Variants in CHN2 observed in about 807,000 individuals in gnomAD.
The protein encoded by CHN2 is beta-chimaerin.
In CHN2, 35 loss-of-function variants were observed where a neutral mutation model predicts 56.3. That is an observed-to-expected ratio of 0.62 (90% CI 0.47 to 0.82). The LOEUF (loss-of-function observed/expected upper bound fraction) is 0.82. CHN2 is among the 40% of genes least tolerant of loss of function. The pLI, the probability that CHN2 is intolerant of heterozygous loss-of-function variation, is 0.00. For missense variants in CHN2, 491 were observed against 580.5 expected (o/e 0.85, Z 1.58); for synonymous variants, 210 against 212.8 (o/e 0.99, Z 0.12).
At chr7:29,301,627 G>A (rs1030295110) in intron 1 of CHN2, among the ~76,000 whole-genome samples, 2 of 152,106 alleles carry the variant, frequency 1.3e-5, no homozygotes, top group Admixed American at 1.3e-4. Flanking sequence ...TTGGCTGGGC[G>A]ACCTTAGCAA....
At chr7:29,344,195 C>G (rs1797254209) in intron 1 of CHN2, among the ~76,000 whole-genome samples, 1 of 152,174 alleles carries the variant, frequency 6.6e-6, no homozygotes, top group Non-Finnish European at 1.5e-5. Context: ...TCATTAATGT[C>G]ACCTTCCTCG....
intron 6 of CHN2, among the ~76,000 whole-genome samples, chr7:29,459,508 C>T (rs1053211668): frequency 4.6e-5 from 7 of 152,162 alleles, no homozygotes; most frequent in African/African-American, 1.2e-4. Flanking sequence ...ATAAAACCTC[C>T]GTGGGTCAGG....
chr7:29,167,657 A>G (rs547456091), intron 2 of CHN2, among the ~76,000 whole-genome samples: 2 of 152,310 alleles, frequency 1.3e-5, no homozygotes, highest in South Asian at 4.1e-4. Context: ...TTATTGCTCT[A>G]CATCTTCACC....
At chr7:29,409,534 T>C (rs1802997286) in intron 6 of CHN2, among the ~76,000 whole-genome samples, 1 of 152,206 alleles carries the variant, frequency 6.6e-6, no homozygotes, top group African/African-American at 2.4e-5. Flanking sequence ...CATCTGCTCC[T>C]GTATTCAACC....
chr7:29,329,419 G>C (rs1362304204), intron 1 of CHN2, among the ~76,000 whole-genome samples: 1 of 137,872 alleles, frequency 7.3e-6, no homozygotes, highest in Non-Finnish European at 1.5e-5. Context: ...AATTGGGACA[G>C]TGTGCCCTTC....
chr7:29,430,789 CAA>C (rs72339566), intron 6 of CHN2, among the ~76,000 whole-genome samples: 5,516 of 113,260 alleles, frequency 0.049, 139 homozygotes, highest in African/African-American at 0.088. Context: ...AAGATGATAG[CAA>C]AAAAAAAAAA....
intron 1 of CHN2, among the ~76,000 whole-genome samples, chr7:29,280,441 A>C (rs926871870): frequency 5.3e-5 from 8 of 152,228 alleles, no homozygotes; most frequent in Admixed American, 6.5e-5. Context: ...GCAGTGTTTT[A>C]GAGGGACAGG....
chr7:29,406,601 A>G (rs1802670062), intron 6 of CHN2, among the ~76,000 whole-genome samples: 1 of 151,722 alleles, frequency 6.6e-6, no homozygotes, highest in Non-Finnish European at 1.5e-5. Flanking sequence ...CCTTTATGAG[A>G]GTTCATCACC....
intron 1 of CHN2, among the ~76,000 whole-genome samples, chr7:29,236,243 G>A (rs1228068409): frequency 6.6e-6 from 1 of 152,234 alleles, no homozygotes. Context: ...CATGATAAGT[G>A]TATACTGAGG....
intron 3 of CHN2, among the ~76,000 whole-genome samples, chr7:29,388,171 G>A (rs1041648090): frequency 6.6e-6 from 1 of 152,202 alleles, no homozygotes; most frequent in Non-Finnish European, 1.5e-5. Flanking sequence ...TTAGGAATGG[G>A]TGAGACTCAG....
At position 29,342,114 on chromosome 7, in the gene CHN2, G is replaced by C. The variant is rs969179974; in HGVS notation, c.50-12511G>C. 1.2e-4 allele frequency among the ~76,000 whole-genome samples: 19 copies of C among 152,304 alleles called. 1 individual carries two copies. Among genetic ancestry groups the C allele is most frequent in the Admixed American group, 9.8e-4 (15 of 15,296 alleles). On this transcript the variant is annotated intron_variant, in intron 1 of 12. Transcript: ENST00000222792. ...CACCTTGAAAGCAGTGACTGGATCT[G>C]CGTTGGTCGCAGCTATATCTTTATC...
chr7:29,456,647 C>CTCGCCAT (rs1020270009), intron 6 of CHN2, among the ~76,000 whole-genome samples: 6 of 135,958 alleles, frequency 4.4e-5, no homozygotes, highest in African/African-American at 1.6e-4. Context: ...CACCCCTCTT[C>CTCGCCAT]TCGCCATTCT....
At chr7:29,219,903 G>A (rs1584774567) in intron 1 of CHN2, among the ~76,000 whole-genome samples, 1 of 151,898 alleles carries the variant, frequency 6.6e-6, no homozygotes, top group Non-Finnish European at 1.5e-5. Flanking sequence ...GTGAAACCCT[G>A]TCTCTACTAA....
At chr7:29,389,417 A>G (rs1801185723) in intron 3 of CHN2, among the ~76,000 whole-genome samples, 1 of 152,182 alleles carries the variant, frequency 6.6e-6, no homozygotes, top group African/African-American at 2.4e-5. Context: ...ACTTTAGTAT[A>G]TGCTTTAAAA....
At chr7:29,345,056 G>A (rs1032982977) in intron 1 of CHN2, among the ~76,000 whole-genome samples, 4 of 152,152 alleles carry the variant, frequency 2.6e-5, no homozygotes, top group Non-Finnish European at 4.4e-5. Context: ...TAGCTGAGAG[G>A]GCAAGTGGGG....
intron 8 of CHN2, among the ~76,000 whole-genome samples, chr7:29,498,457 T>G (rs1789540190): frequency 6.6e-6 from 1 of 152,218 alleles, no homozygotes; most frequent in African/African-American, 2.4e-5. Flanking sequence ...TGTTTTTGTT[T>G]TTTTTATTTT....
At chr7:29,447,076 A>G (rs1461354817) in intron 6 of CHN2, among the ~76,000 whole-genome samples, 1 of 152,224 alleles carries the variant, frequency 6.6e-6, no homozygotes, top group Non-Finnish European at 1.5e-5. Context: ...GGCAAGGTAA[A>G]ATTCAGAATG....
intron 4 of CHN2, among the ~76,000 whole-genome samples, chr7:29,394,841 A>C (rs1462660745): frequency 1.3e-5 from 2 of 152,228 alleles, no homozygotes; most frequent in Admixed American, 6.5e-5. Flanking sequence ...TTCTTTTTGC[A>C]GAAAAGTTTT....
At chr7:29,469,870 A>G (rs1011409445) in intron 6 of CHN2, among the ~76,000 whole-genome samples, 1 of 152,224 alleles carries the variant, frequency 6.6e-6, no homozygotes, top group Non-Finnish European at 1.5e-5. Context: ...TGCCTGATAA[A>G]TAATAGATGC....
Sources: allele counts gnomAD v4.1 joint callset (sites outside exome capture counted in the v4.1 genomes callset), GRCh38; gene constraint gnomAD v4.1.1; transcripts MANE v1.5; gene names NCBI Gene and HGNC (gene_info 2026-07-23, HGNC 2026-07-21).